The following PPA2 variants were observed in gnomAD, a reference collection of about 807,000 sequenced individuals.
The protein encoded by PPA2 is inorganic pyrophosphatase 2.
In PPA2, 48 loss-of-function variants were observed where a neutral mutation model predicts 49.5. The ratio of observed to expected loss-of-function variants is 0.97; its 90% CI spans 0.77 to 1.23. The LOEUF (loss-of-function observed/expected upper bound fraction) is 1.23, where lower values mean the gene tolerates loss of function less well. PPA2 is among the 50% of genes most tolerant of loss of function. PPA2 has a pLI of 0.00. For missense variants in PPA2, 429 were observed against 410.1 expected (o/e 1.05, Z -0.40); for synonymous variants, 131 against 139.9 (o/e 0.94, Z 0.45).
intron 10 of PPA2, among the ~76,000 whole-genome samples, chr4:105,371,769 T>C (rs968734292): frequency 2.6e-5 from 4 of 152,192 alleles, no homozygotes; most frequent in Admixed American, 2.0e-4. Context: ...TGAATATATA[T>C]ATGAAATGTG....
intron 7 of PPA2, among the ~76,000 whole-genome samples, chr4:105,418,728 A>G (rs982387412): frequency 6.6e-6 from 1 of 152,220 alleles, no homozygotes; most frequent in Non-Finnish European, 1.5e-5. Flanking sequence ...TCATTTATTT[A>G]AAGGCCAAAC....
chr4:105,466,943 CTT>C (rs1723330047), intron 1 of PPA2, among the ~76,000 whole-genome samples: 1 of 152,220 alleles, frequency 6.6e-6, no homozygotes, highest in African/African-American at 2.4e-5. Context: ...CATTTTGCCT[CTT>C]AGTGCAAACG....
At position 105,470,763 on chromosome 4, in the gene PPA2, T is replaced by C. The variant is rs1204666413; in HGVS notation, c.157+3131A>G. On this transcript the variant is annotated intron_variant, in intron 1 of 11. Coordinates refer to ENST00000341695, the MANE Select transcript of PPA2 (RefSeq NM_176869.3). ...TGCCACAGCAATTCTATAAAATTAC[T>C]AGTGCTATCCCCATTTTATTTACGG... Among the ~76,000 whole-genome samples, 3 of 152,344 alleles carry C rather than the reference T, an allele frequency of 2.0e-5. No homozygotes were observed. In the East Asian group the frequency reaches 5.8e-4, roughly 29 times the overall value.
intron 4 of PPA2, among the ~76,000 whole-genome samples, chr4:105,448,809 G>A (rs1560636235): frequency 6.6e-6 from 1 of 150,834 alleles, no homozygotes; most frequent in African/African-American, 2.4e-5. Flanking sequence ...TTTCAAAGGA[G>A]AAAAAAAGAA....
At chr4:105,403,012 T>C (rs1029914727) in intron 7 of PPA2, among the ~76,000 whole-genome samples, 25 of 149,828 alleles carry the variant, frequency 1.7e-4, no homozygotes, top group East Asian at 3.9e-4. Context: ...CTTTCTTTCT[T>C]TCTCTCTCTC....
intron 1 of PPA2, among the ~76,000 whole-genome samples, chr4:105,458,881 C>A (rs904430294): frequency 6.7e-6 from 1 of 149,110 alleles, no homozygotes; most frequent in Non-Finnish European, 1.5e-5. Context: ...TTAATTCCCA[C>A]CAATATTTTA....
chr4:105,391,476 T>C (rs1733919880), intron 9 of PPA2, among the ~76,000 whole-genome samples: 1 of 151,984 alleles, frequency 6.6e-6, no homozygotes. Context: ...TAAGCATATT[T>C]AGACTACCTA....
intron 10 of PPA2, among the ~76,000 whole-genome samples, chr4:105,379,419 A>G (rs1487294541): frequency 1.4e-5 from 2 of 142,402 alleles, no homozygotes; most frequent in East Asian, 3.9e-4. Context: ...GTATCTATCA[A>G]TATGTGTAGA....
chr4:105,446,534 T>C lies in PPA2; in HGVS notation c.322-32A>G, dbSNP rs751313423. 1.1e-5 allele frequency: 18 copies of C among 1,589,296 alleles called. No homozygotes were observed. In the South Asian group the frequency reaches 1.3e-4, roughly 11 times the overall value. On this transcript the variant is annotated intron_variant, in intron 4 of 11. Coordinates refer to ENST00000341695, the MANE Select transcript of PPA2 (RefSeq NM_176869.3). The stretch of plus-strand genomic sequence containing the variant: ...AAATCACAGAAGGAAGAAAAGGAGA[T>C]GGGATAAGAAATAATTAATTCTATG...
intron 2 of PPA2, among the ~76,000 whole-genome samples, chr4:105,454,453 C>T (rs1381213552): frequency 6.6e-6 from 1 of 152,012 alleles, no homozygotes; most frequent in Non-Finnish European, 1.5e-5. Flanking sequence ...GCCTCAGCCT[C>T]CCGAGTAGCT....
At chr4:105,468,836 T>A (rs1284325427) in intron 1 of PPA2, among the ~76,000 whole-genome samples, 1 of 152,208 alleles carries the variant, frequency 6.6e-6, no homozygotes, top group Non-Finnish European at 1.5e-5. Flanking sequence ...GTACTATTTG[T>A]AGTACAACTT....
chr4:105,377,449 T>C (rs892153576), intron 10 of PPA2, among the ~76,000 whole-genome samples: 5 of 152,118 alleles, frequency 3.3e-5, no homozygotes, highest in Admixed American at 1.3e-4. Context: ...AAGATGTAAA[T>C]AAATTAAAAT....
At chr4:105,438,664 A>G (rs1724190870) in intron 5 of PPA2, among the ~76,000 whole-genome samples, 1 of 152,208 alleles carries the variant, frequency 6.6e-6, no homozygotes, top group African/African-American at 2.4e-5. Context: ...ACACATAGGA[A>G]TTTTTATAAA....
At chr4:105,393,070 A>G (rs1733988856) in intron 9 of PPA2, among the ~76,000 whole-genome samples, 1 of 152,240 alleles carries the variant, frequency 6.6e-6, no homozygotes. Flanking sequence ...TACTACAAGC[A>G]CAGTGACAAG....
chr4:105,473,221 A>ACCC (rs58616324), intron 1 of PPA2: 179 of 164,908 alleles, frequency 1.1e-3, no homozygotes, highest in African/African-American at 4.2e-3. Flanking sequence ...CAACTCAGGG[A>ACCC]CCCCCCCGAA....
Position 105,372,319 on chromosome 4 carries a change from C to T in PPA2, c.940-1446G>A, listed in dbSNP as rs142085658. Among the ~76,000 whole-genome samples the T allele has an allele frequency of 2.8e-3, 426 of 152,306 alleles. 2 individuals are homozygous for T. The highest frequency in any genetic ancestry group is 9.6e-3 in the African/African-American group (400 of 41,560). On this transcript the variant is annotated intron_variant, in intron 10 of 11. Coordinates refer to ENST00000341695, the MANE Select transcript of PPA2 (RefSeq NM_176869.3). ...TACGGTGAGATATGTGACTGAATAA[C>T]GGCCAAGTATGACCCTCCAAAAAGC...
At chr4:105,395,351 G>A (rs1031504540) in intron 9 of PPA2, among the ~76,000 whole-genome samples, 8 of 125,142 alleles carry the variant, frequency 6.4e-5, no homozygotes, top group South Asian at 3.0e-4. Context: ...GGACTCTATC[G>A]TATTCATAGT....
At chr4:105,419,313 C>T (rs893810632) in intron 7 of PPA2, among the ~76,000 whole-genome samples, 2 of 152,172 alleles carry the variant, frequency 1.3e-5, no homozygotes, top group South Asian at 2.1e-4. Flanking sequence ...CCCGCTCCCC[C>T]CACCCCACAA....
chr4:105,423,068 T>C (rs1723323737), intron 7 of PPA2: 1 of 152,142 alleles, frequency 6.6e-6, no homozygotes, highest in Non-Finnish European at 1.5e-5. Context: ...TATATGTATA[T>C]GAAAAGTATA....
Sources: allele counts gnomAD v4.1 joint callset (sites outside exome capture counted in the v4.1 genomes callset), GRCh38; gene constraint gnomAD v4.1.1; transcripts MANE v1.5; gene names NCBI Gene and HGNC (gene_info 2026-07-23, HGNC 2026-07-21).